Variants in TMEM164 observed in about 807,000 individuals in gnomAD.
TMEM164 encodes the protein transmembrane protein 164.
Under a neutral mutation model 18.8 loss-of-function variants are expected in TMEM164, and 4 were observed. The ratio of observed to expected loss-of-function variants is 0.21; its 90% CI spans 0.10 to 0.49. The LOEUF is 0.49. TMEM164 is among the 20% of genes least tolerant of loss of function. The probability of loss-of-function intolerance (pLI) is 0.98; values close to 1 mark genes in which losing one functional copy is unlikely to be tolerated. For missense variants in TMEM164, 108 were observed against 239.9 expected, an observed-to-expected ratio of 0.45 and a Z score of 3.63; for synonymous variants, 86 against 101.7, an observed-to-expected ratio of 0.85 and a Z score of 0.93.
intron 2 of TMEM164, among the ~76,000 whole-genome samples, chrX:110,052,739 G>T (rs1289781139): frequency 9.8e-6 from 1 of 101,600 alleles, no homozygotes; most frequent in Non-Finnish European, 2.0e-5. Context: ...GCATTTACAT[G>T]CATCTGTTTT....
chrX:110,168,262 G>A (rs916374014), intron 5 of TMEM164, among the ~76,000 whole-genome samples: 7 of 113,275 alleles, frequency 6.2e-5, no homozygotes, highest in African/African-American at 2.2e-4. Flanking sequence ...ACAGGAATGT[G>A]TGCATGCCTT....
At chrX:110,125,009 G>C (rs2066509908) in intron 4 of TMEM164, among the ~76,000 whole-genome samples, 1 of 112,276 alleles carries the variant, frequency 8.9e-6, no homozygotes, top group African/African-American at 3.2e-5. Context: ...AAGATACCTA[G>C]TCAGCAGAGC....
chrX:110,153,356 C>T (rs1351036222), intron 5 of TMEM164, among the ~76,000 whole-genome samples: 1 of 112,101 alleles, frequency 8.9e-6, no homozygotes, highest in Admixed American at 9.4e-5. Context: ...TCCTGTACTG[C>T]AAATTGCACA....
At chrX:110,068,158 C>T (rs2065529972) in intron 3 of TMEM164, among the ~76,000 whole-genome samples, 1 of 112,616 alleles carries the variant, frequency 8.9e-6, no homozygotes, top group South Asian at 3.6e-4. Context: ...AATAAAGAGC[C>T]CAGCAGATTC....
At chrX:110,031,583 A>G (rs1288390532) in intron 2 of TMEM164, among the ~76,000 whole-genome samples, 1 of 111,631 alleles carries the variant, frequency 9.0e-6, no homozygotes, top group African/African-American at 3.3e-5. Context: ...TCAACCTCCC[A>G]AAGTGCTAGA....
chrX:110,020,965 T>C (rs1933787324), intron 2 of TMEM164, among the ~76,000 whole-genome samples: 1 of 77,042 alleles, frequency 1.3e-5, no homozygotes, highest in Non-Finnish European at 2.3e-5. Flanking sequence ...AAACCCCTTT[T>C]TCTAAAAAAA....
chrX:110,066,694 A>G (rs1459738493), intron 2 of TMEM164, among the ~76,000 whole-genome samples: 1 of 111,953 alleles, frequency 8.9e-6, no homozygotes, highest in Non-Finnish European at 1.9e-5. Context: ...CCCATGCCAC[A>G]CCAGGTATCA....
intron 5 of TMEM164, among the ~76,000 whole-genome samples, chrX:110,145,744 T>C (rs1042167165): frequency 9.8e-5 from 11 of 111,989 alleles, no homozygotes; most frequent in African/African-American, 3.3e-4. Flanking sequence ...CACTGGAAGA[T>C]AGTCTGGGAG....
chrX:110,154,054 A>G (rs919822275), intron 5 of TMEM164, among the ~76,000 whole-genome samples: 14 of 111,528 alleles, frequency 1.3e-4, no homozygotes, highest in African/African-American at 4.6e-4. Flanking sequence ...ACTTGCAGAT[A>G]TGGAGGGCCG....
intron 3 of TMEM164, among the ~76,000 whole-genome samples, chrX:110,090,063 C>G (rs1299191374): frequency 9.0e-6 from 1 of 110,742 alleles, no homozygotes; most frequent in African/African-American, 3.3e-5. Context: ...TAGGTAGCCT[C>G]TTTTACCAGT....
chrX:110,144,348 A>G (rs1192269926), intron 4 of TMEM164, among the ~76,000 whole-genome samples: 3 of 112,264 alleles, frequency 2.7e-5, no homozygotes, highest in Non-Finnish European at 5.6e-5. Context: ...AAGTGACATA[A>G]GGTTGTGATT....
At chrX:110,126,810 CTGTGTGTGTGTGTGTGTGTG>C (rs4035483) in intron 4 of TMEM164, among the ~76,000 whole-genome samples, 73 of 69,581 alleles carry the variant, frequency 1.0e-3, no homozygotes, top group African/African-American at 3.2e-3. Flanking sequence ...TGGGCCACTC[CTGTGTGTGTGTGTGTGTGTG>C]TGTGTGTGTG....
At chrX:110,120,773 C>T (rs1311456954) in intron 4 of TMEM164, among the ~76,000 whole-genome samples, 2 of 111,955 alleles carry the variant, frequency 1.8e-5, no homozygotes, top group African/African-American at 6.5e-5. Flanking sequence ...CTCTAGTAAC[C>T]ACCATTCTAC....
intron 2 of TMEM164, among the ~76,000 whole-genome samples, chrX:110,022,033 T>C (rs1022724356): frequency 9.0e-6 from 1 of 111,684 alleles, no homozygotes; most frequent in Non-Finnish European, 1.9e-5. Flanking sequence ...CACAAACCAA[T>C]GCCTGCTCCC....
intron 3 of TMEM164, among the ~76,000 whole-genome samples, chrX:110,095,193 T>C (rs771844732): frequency 3.9e-4 from 43 of 111,569 alleles, no homozygotes; most frequent in African/African-American, 1.3e-3. Flanking sequence ...CTTTGCGGTG[T>C]TCTCTGTATT....
chrX:110,094,376 G>A (rs2065980450), intron 3 of TMEM164, among the ~76,000 whole-genome samples: 1 of 111,793 alleles, frequency 8.9e-6, no homozygotes, highest in Non-Finnish European at 1.9e-5. Flanking sequence ...TCCTGTAGTG[G>A]GTGCATATAT....
downstream of TMEM164, among the ~76,000 whole-genome samples, chrX:110,180,495 C>CCCA (rs750789939): frequency 3.7e-5 from 4 of 108,834 alleles, no homozygotes; most frequent in South Asian, 3.9e-4. Context: ...ACCCCCCCGC[C>CCCA]CCGCCCACAG....
intron 2 of TMEM164, chrX:110,046,405 T>C: frequency 1.3e-6 from 1 of 754,467 alleles, no homozygotes; most frequent in Non-Finnish European, 1.6e-6. Flanking sequence ...ATGTGAATGA[T>C]AGAAGACTGC....
At chrX:110,032,447 G>T (rs1018669847) in intron 2 of TMEM164, among the ~76,000 whole-genome samples, 19 of 108,043 alleles carry the variant, frequency 1.8e-4, no homozygotes, top group East Asian at 1.2e-3. Flanking sequence ...TGTTGTTGTT[G>T]TTTTTTTTTG....
Sources: allele counts gnomAD v4.1 joint callset (sites outside exome capture counted in the v4.1 genomes callset), GRCh38; gene constraint gnomAD v4.1.1; transcripts MANE v1.5; gene names NCBI Gene and HGNC (gene_info 2026-07-23, HGNC 2026-07-21).